NOS1AP: variants seen among roughly 807,000 people sequenced by gnomAD.
NOS1AP encodes the protein nitric oxide synthase 1 adaptor protein.
A neutral mutation model predicts 56.2 loss-of-function variants in NOS1AP; 21 were observed. The ratio of observed to expected loss-of-function variants is 0.37; its 90% CI spans 0.26 to 0.54. The LOEUF (loss-of-function observed/expected upper bound fraction) is 0.54, where lower values mean the gene tolerates loss of function less well. Among genes scored for constraint, NOS1AP ranks in the 20% least tolerant of loss-of-function variants. The pLI is 0.84. For synonymous variants in NOS1AP, 270 were observed against 274.6 expected (o/e 0.98, Z 0.17); for missense variants, 522 against 657.8 (o/e 0.79, Z 2.26).
chr1:162,105,949 C>T (rs1647489183), intron 1 of NOS1AP, among the ~76,000 whole-genome samples: 1 of 152,168 alleles, frequency 6.6e-6, no homozygotes, highest in Admixed American at 6.5e-5. Context: ...CTGACTCAGC[C>T]CCCTTCCTAG....
intron 4 of NOS1AP, among the ~76,000 whole-genome samples, chr1:162,322,055 TA>T (rs1656440511): frequency 1.3e-5 from 2 of 152,058 alleles, no homozygotes; most frequent in Non-Finnish European, 2.9e-5. Flanking sequence ...CCCCTGCATC[TA>T]AAATAATAAA....
rs1226146203 is a variant in NOS1AP at position 162,356,812 on chromosome 1, A to G, written c.763-148A>G. ...TACACCATTTCCTTTCTGGGCCTCT[A>G]CTCCCATTTCCATTGAAGATATAGT... On this transcript the variant is annotated intron_variant, in intron 7 of 9. Transcript: ENST00000361897. The G allele has an allele frequency of 2.6e-6, 4 of 1,552,826 alleles. No individual in the cohort carries two copies. The South Asian group carries it at 4.5e-5, about 18-fold the overall frequency.
At chr1:162,296,435 G>A (rs1264991183) in intron 3 of NOS1AP, among the ~76,000 whole-genome samples, 22 of 152,186 alleles carry the variant, frequency 1.4e-4, no homozygotes, top group Admixed American at 1.3e-3. Flanking sequence ...AAGGATGAAG[G>A]TCTGTAAAGT....
rs148053378 is a variant in NOS1AP at position 162,193,384 on chromosome 1, A to C, written c.177+38908A>C. ...CTGGAGCATGTCCCAGTCCCTGGGCATAAAGGGATAGACCCAGGGAACTCA... is the reference window on the plus strand; with the variant it reads ...CTGGAGCATGTCCCAGTCCCTGGGCCTAAAGGGATAGACCCAGGGAACTCA... On this transcript the variant is annotated intron_variant, in intron 2 of 9. Transcript: ENST00000361897. 9.8e-3 allele frequency among the ~76,000 whole-genome samples: 1,494 copies of C among 152,302 alleles called. 24 individuals carry two copies. Among genetic ancestry groups the C allele is most frequent in the Non-Finnish European group, 0.013 (904 of 68,030 alleles).
intron 5 of NOS1AP, among the ~76,000 whole-genome samples, chr1:162,340,890 T>C (rs2101803671): frequency 6.6e-6 from 1 of 152,322 alleles, no homozygotes; most frequent in Admixed American, 6.5e-5. Context: ...TTTGGGCTTA[T>C]AGATGGTTGA....
intron 1 of NOS1AP, among the ~76,000 whole-genome samples, chr1:162,099,852 G>A (rs9728864): frequency 0.62 from 93,839 of 150,714 alleles, 29,586 homozygotes; most frequent in Non-Finnish European, 0.67. Flanking sequence ...CTCATTCTTC[G>A]ATTCCCACCT....
At chr1:162,308,434 A>G (rs1355645320) in intron 4 of NOS1AP, among the ~76,000 whole-genome samples, 1 of 152,086 alleles carries the variant, frequency 6.6e-6, no homozygotes, top group African/African-American at 2.4e-5. Flanking sequence ...AGAGAGTTAG[A>G]GCATCACTGT....
chr1:162,352,910 A>G (rs915884449), intron 6 of NOS1AP, among the ~76,000 whole-genome samples: 2 of 152,206 alleles, frequency 1.3e-5, no homozygotes, highest in African/African-American at 2.4e-5. Context: ...CAATGTCAAC[A>G]GGTTTAAAAC....
chr1:162,237,016 T>C (rs1373030616), intron 2 of NOS1AP, among the ~76,000 whole-genome samples: 1 of 152,246 alleles, frequency 6.6e-6, no homozygotes, highest in Non-Finnish European at 1.5e-5. Context: ...TGATGGAATT[T>C]ATCTTGATGA....
chr1:162,355,095 C>G, intron 6 of NOS1AP, 92 bp from the exon 7 acceptor site: 1 of 1,464,124 alleles, frequency 6.8e-7, no homozygotes, highest in Non-Finnish European at 9.5e-7. Context: ...CATCCCTAGG[C>G]TCAACATGCC....
chr1:162,166,018 G>A (rs1004633965), intron 2 of NOS1AP, among the ~76,000 whole-genome samples: 5 of 152,174 alleles, frequency 3.3e-5, no homozygotes, highest in African/African-American at 1.2e-4. Context: ...AAGAATGTAA[G>A]CTGGAAACCT....
chr1:162,199,972 G>A (rs1291890259), intron 2 of NOS1AP, among the ~76,000 whole-genome samples: 3 of 152,152 alleles, frequency 2.0e-5, no homozygotes, highest in African/African-American at 4.8e-5. Context: ...AGTAGGTAGT[G>A]GTAGAAGCCA....
At chr1:162,079,905 G>A (rs2102013428) in intron 1 of NOS1AP, among the ~76,000 whole-genome samples, 1 of 152,238 alleles carries the variant, frequency 6.6e-6, no homozygotes, top group South Asian at 2.1e-4. Flanking sequence ...ACTACTTTGT[G>A]GGCTTAAAAT....
intron 2 of NOS1AP, among the ~76,000 whole-genome samples, chr1:162,166,066 A>G (rs983430794): frequency 2.0e-5 from 3 of 152,180 alleles, no homozygotes; most frequent in African/African-American, 4.8e-5. Flanking sequence ...CCCCTGGCTT[A>G]GGTCACCCTT....
chr1:162,097,842 A>G (rs539129936), intron 1 of NOS1AP, among the ~76,000 whole-genome samples: 46 of 152,226 alleles, frequency 3.0e-4, no homozygotes, highest in South Asian at 8.3e-4. Flanking sequence ...GCTTTCTCAT[A>G]TAAATGTTAG....
chr1:162,343,095 A>G (rs192317298), intron 5 of NOS1AP, among the ~76,000 whole-genome samples: 95 of 152,302 alleles, frequency 6.2e-4, no homozygotes, highest in Admixed American at 9.1e-4. Context: ...CACAGCCTGC[A>G]TGGGTGGCCT....
rs66879950 is a variant in NOS1AP at position 162,321,731 on chromosome 1, A to AAT, written c.345-11266_345-11265dup. ...CTTAAAGTATAATTAAAAAAAAAAA[A>AAT]ATATATATATATATATATATAAAAG... On this transcript the variant is annotated intron_variant, in intron 4 of 9. Transcript: ENST00000361897. Among the ~76,000 whole-genome samples the AAT allele has an allele frequency of 2.1e-3, 275 of 128,470 alleles. 1 individual carries two copies. Among genetic ancestry groups the AAT allele is most frequent in the African/African-American group, 6.7e-3 (233 of 34,544 alleles). The allele number at this position is 128,470 out of a possible 152,430, so 84.3% of individuals were successfully genotyped here.
At chr1:162,180,235 A>T (rs1651205013) in intron 2 of NOS1AP, among the ~76,000 whole-genome samples, 1 of 151,766 alleles carries the variant, frequency 6.6e-6, no homozygotes, top group South Asian at 2.1e-4. Flanking sequence ...TTTTATTTTT[A>T]TTTATTTATT....
chr1:162,298,851 AAT>A (rs1296482854), intron 3 of NOS1AP, among the ~76,000 whole-genome samples: 1 of 152,260 alleles, frequency 6.6e-6, no homozygotes, highest in East Asian at 1.9e-4. Context: ...AAGAAAAAGA[AAT>A]AACCAAATAG....
Sources: gnomAD v4.1 joint callset for allele counts (sites outside exome capture counted in the v4.1 genomes callset) on GRCh38, gnomAD v4.1.1 for gene constraint, MANE v1.5 for transcripts, NCBI Gene and HGNC (gene_info 2026-07-23, HGNC 2026-07-21) for gene names.